Variants in MACROD2 observed in about 807,000 individuals in gnomAD.
The protein encoded by MACROD2 is ADP-ribose glycohydrolase MACROD2.
Under a neutral mutation model 70.4 loss-of-function variants are expected in MACROD2, and 36 were observed. The observed-to-expected ratio is 0.51, with a 90% CI of 0.39 to 0.68. MACROD2 has a LOEUF of 0.68. Ranked by LOEUF, MACROD2 falls within the 30% of genes least tolerant of loss-of-function variation. The pLI is 0.00. For synonymous variants in MACROD2, 172 were observed against 178.8 expected, an observed-to-expected ratio of 0.96 and a Z score of 0.30; for missense variants, 496 against 538.4, an observed-to-expected ratio of 0.92 and a Z score of 0.78.
rs11476537 is a variant in MACROD2 at position 13,998,954 on chromosome 20, C to CAA, written c.46+3163_46+3164dup. Among the ~76,000 whole-genome samples the CAA allele has an allele frequency of 9.3e-3, 925 of 99,524 alleles. 8 individuals are homozygous for CAA. The highest frequency in any genetic ancestry group is 0.036 in the African/African-American group (876 of 24,340). 65.3% of individuals were successfully genotyped at this position (99,524 alleles called of 152,430 possible). On this transcript the variant is annotated intron_variant, in intron 1 of 17. Coordinates refer to ENST00000684519, the MANE Select transcript of MACROD2 (RefSeq NM_001351661.2). ...TGAATGACAGAGCAAGACTCCGTCTCAAAAAAAAAAAAAAAAAAATTCACA... is the reference window on the plus strand; with the variant it reads ...TGAATGACAGAGCAAGACTCCGTCTCAAAAAAAAAAAAAAAAAAAAATTCACA...
chr20:14,997,531 G>A (rs1232466599), intron 5 of MACROD2, among the ~76,000 whole-genome samples: 1 of 152,112 alleles, frequency 6.6e-6, no homozygotes, highest in East Asian at 1.9e-4. Context: ...AAAGGAGAGG[G>A]AAGGTTAAGA....
At chr20:16,031,043 T>C (rs1262015475) in intron 15 of MACROD2, among the ~76,000 whole-genome samples, 2 of 152,148 alleles carry the variant, frequency 1.3e-5, no homozygotes, top group Non-Finnish European at 1.5e-5. Flanking sequence ...GAAGAATACA[T>C]AGTTAAATTT....
At chr20:14,408,122 G>C (rs2083711120) in intron 3 of MACROD2, among the ~76,000 whole-genome samples, 1 of 152,132 alleles carries the variant, frequency 6.6e-6, no homozygotes, top group African/African-American at 2.4e-5. Context: ...TTATAGGATT[G>C]TTGGATAAGA....
chr20:15,970,573 A>G (rs1245596223), intron 13 of MACROD2, among the ~76,000 whole-genome samples: 2 of 152,080 alleles, frequency 1.3e-5, no homozygotes, highest in Non-Finnish European at 2.9e-5. Flanking sequence ...AGGCTGTGGT[A>G]CAGAGAGGAG....
At position 14,461,354 on chromosome 20, in the gene MACROD2, T is replaced by C. The variant is rs559486053; in HGVS notation, c.272-32125T>C. Among the ~76,000 whole-genome samples the C allele has an allele frequency of 1.4e-4, 21 of 152,178 alleles. No individual in the cohort carries two copies. The East Asian group carries it at 4.1e-3, about 29-fold the overall frequency. On this transcript the variant is annotated intron_variant, in intron 3 of 17. Coordinates refer to ENST00000684519, the MANE Select transcript of MACROD2 (RefSeq NM_001351661.2). ...AGTCTGGCTAGTGGTTTATCTATTT[T>C]GTTAATCTTTTTAAAAAACCAGCTC...
intron 5 of MACROD2, among the ~76,000 whole-genome samples, chr20:15,008,225 A>C (rs1451953243): frequency 6.6e-6 from 1 of 152,120 alleles, no homozygotes; most frequent in Non-Finnish European, 1.5e-5. Flanking sequence ...TCACATCTGT[A>C]ATCCCAGCAC....
At chr20:14,360,857 T>A (rs2083214409) in intron 3 of MACROD2, among the ~76,000 whole-genome samples, 1 of 152,172 alleles carries the variant, frequency 6.6e-6, no homozygotes, top group Non-Finnish European at 1.5e-5. Context: ...TGCCATATGA[T>A]CACACTGAAT....
Position 14,948,129 on chromosome 20 carries a change from C to T in MACROD2, c.418+263170C>T, listed in dbSNP as rs116374489. ...AAGTATCACATCCTCTGTGCCCCCA[C>T]CAGCTGATTGCAGCTCCTTTGAGGA... On this transcript the variant is annotated intron_variant, in intron 5 of 17. Coordinates refer to ENST00000684519, the MANE Select transcript of MACROD2 (RefSeq NM_001351661.2). Among the ~76,000 whole-genome samples the T allele has an allele frequency of 3.3e-3, 503 of 152,284 alleles. 6 individuals carry two copies. Among genetic ancestry groups the T allele is most frequent in the African/African-American group, 0.011 (468 of 41,558 alleles).
chr20:15,291,537 G>T (rs926203907), intron 6 of MACROD2, among the ~76,000 whole-genome samples: 3 of 152,036 alleles, frequency 2.0e-5, no homozygotes, highest in Admixed American at 2.0e-4. Flanking sequence ...TGTAATTAAG[G>T]TCTCATCTGA....
intron 9 of MACROD2, among the ~76,000 whole-genome samples, chr20:15,882,302 T>G (rs187499567): frequency 1.4e-3 from 214 of 152,116 alleles, no homozygotes; most frequent in Admixed American, 4.0e-3. Context: ...ATGGGGAAAG[T>G]AGACAATTTT....
intron 2 of MACROD2, among the ~76,000 whole-genome samples, chr20:14,025,981 G>A (rs920415267): frequency 2.1e-4 from 32 of 152,178 alleles, no homozygotes; most frequent in African/African-American, 7.0e-4. Context: ...GGGAGTCTAA[G>A]TCTCTTTATA....
chr20:15,572,347 A>G (rs2048387191), intron 8 of MACROD2, among the ~76,000 whole-genome samples: 1 of 152,118 alleles, frequency 6.6e-6, no homozygotes, highest in Admixed American at 6.6e-5. Flanking sequence ...CCTGTTCTTA[A>G]AGTAATTCCT....
intron 5 of MACROD2, among the ~76,000 whole-genome samples, chr20:15,032,873 T>C (rs951218499): frequency 1.3e-5 from 2 of 152,178 alleles, no homozygotes; most frequent in Admixed American, 6.5e-5. Context: ...AGTATATCCA[T>C]AAGACAGAAC....
At chr20:14,672,027 T>TGA (rs1445900780) in intron 4 of MACROD2, among the ~76,000 whole-genome samples, 9 of 152,224 alleles carry the variant, frequency 5.9e-5, no homozygotes, top group Admixed American at 2.6e-4. Flanking sequence ...TGTCTTCCTT[T>TGA]GAGAGTGGCT....
chr20:16,026,166 C>CA (rs757993444), intron 15 of MACROD2, among the ~76,000 whole-genome samples: 153 of 151,486 alleles, frequency 1.0e-3, no homozygotes, highest in Middle Eastern at 3.4e-3. Flanking sequence ...AAAAACAAAA[C>CA]AACAAACAAA....
chr20:14,661,132 T>A (rs1435671975), intron 4 of MACROD2, among the ~76,000 whole-genome samples: 1 of 152,014 alleles, frequency 6.6e-6, no homozygotes, highest in African/African-American at 2.4e-5. Flanking sequence ...TCCAAATGGC[T>A]TTCTACAGGG....
intron 4 of MACROD2, among the ~76,000 whole-genome samples, chr20:14,616,475 A>G (rs1983484637): frequency 6.6e-6 from 1 of 152,114 alleles, no homozygotes; most frequent in African/African-American, 2.4e-5. Flanking sequence ...ATTTTGGTGA[A>G]TAATATTATT....
intron 3 of MACROD2, among the ~76,000 whole-genome samples, chr20:14,215,181 C>T (rs1384704300): frequency 6.7e-6 from 1 of 149,242 alleles, no homozygotes; most frequent in Non-Finnish European, 1.5e-5. Flanking sequence ...TATTTTCCAT[C>T]ATATATATTC....
chr20:16,014,414 G>T (rs1327607971), intron 15 of MACROD2, among the ~76,000 whole-genome samples: 1 of 152,194 alleles, frequency 6.6e-6, no homozygotes, highest in Non-Finnish European at 1.5e-5. Context: ...TAAGGAAGAA[G>T]TTAGAAGAAT....
Sources: gnomAD v4.1 joint callset for allele counts (sites outside exome capture counted in the v4.1 genomes callset) on GRCh38, gnomAD v4.1.1 for gene constraint, MANE v1.5 for transcripts, NCBI Gene and HGNC (gene_info 2026-07-23, HGNC 2026-07-21) for gene names.